Variants in ICA1L observed in about 807,000 individuals in gnomAD.
The protein encoded by ICA1L is islet cell autoantigen 1 like.
Under a neutral mutation model 61.3 loss-of-function variants are expected in ICA1L, and 50 were observed. That is an observed-to-expected ratio of 0.82 (90% confidence interval 0.65 to 1.03). The LOEUF is 1.03. ICA1L is among the 50% of genes least tolerant of loss of function. The pLI is 0.00. For missense variants in ICA1L, 508 were observed against 556.7 expected (o/e 0.91, Z 0.88); for synonymous variants, 161 against 191.3 (o/e 0.84, Z 1.31).
intron 10 of ICA1L, among the ~76,000 whole-genome samples, chr2:202,794,914 G>A (rs1471533993): frequency 6.6e-6 from 1 of 151,022 alleles, no homozygotes; most frequent in East Asian, 2.0e-4. Flanking sequence ...CACATTTAAT[G>A]TGATTACAAT....
At chr2:202,866,158 C>T (rs142425848) in intron 1 of ICA1L, among the ~76,000 whole-genome samples, 5 of 152,278 alleles carry the variant, frequency 3.3e-5, no homozygotes, top group African/African-American at 1.2e-4. Flanking sequence ...TTCATGTTGA[C>T]ATGTGATCCC....
intron 1 of ICA1L, among the ~76,000 whole-genome samples, chr2:202,862,062 G>A (rs1694932939): frequency 2.0e-5 from 3 of 147,272 alleles, no homozygotes; most frequent in South Asian, 2.1e-4. Context: ...AAGATTCACC[G>A]AAACAGACCA....
chr2:202,867,772 C>T (rs1687563270), intron 1 of ICA1L, among the ~76,000 whole-genome samples: 1 of 152,066 alleles, frequency 6.6e-6, no homozygotes, highest in African/African-American at 2.4e-5. Flanking sequence ...ATACATTGGT[C>T]GTGGGAATAT....
In ICA1L at chr2:202,833,351, G is replaced by T. The variant is rs185889197; in HGVS notation, c.-7-4335C>A. Among the ~76,000 whole-genome samples, 37 of 152,296 alleles carry T rather than the reference G, an allele frequency of 2.4e-4. No individual in the cohort carries two copies. In the East Asian group the frequency reaches 6.8e-3, roughly 28 times the overall value. On this transcript the variant is annotated intron_variant, in intron 1 of 12. Coordinates refer to ENST00000358299, the MANE Select transcript of ICA1L (RefSeq NM_001288622.3). ...AATCCCAGGACTTTGGGAGGCTGTG[G>T]GGGAGGATCACTGGCGCCCAGGAGC...
intron 12 of ICA1L, among the ~76,000 whole-genome samples, chr2:202,780,927 T>C (rs1007224942): frequency 6.6e-6 from 1 of 152,204 alleles, no homozygotes; most frequent in Non-Finnish European, 1.5e-5. Flanking sequence ...CATCATGATA[T>C]CAGGATACAT....
At chr2:202,851,335 A>G (rs1165805079) in intron 1 of ICA1L, among the ~76,000 whole-genome samples, 1 of 152,198 alleles carries the variant, frequency 6.6e-6, no homozygotes, top group Non-Finnish European at 1.5e-5. Context: ...TATAAAGGAC[A>G]TGAACTCATC....
At chr2:202,814,883 TAGG>T (rs1404088455) in intron 7 of ICA1L, 99 bp from the exon 8 acceptor site, 21 of 808,942 alleles carry the variant, frequency 2.6e-5, no homozygotes, top group Admixed American at 7.2e-5. Context: ...CCATATGAAA[TAGG>T]AAGTTCTGAA....
At chr2:202,780,304 T>C (rs560561241) in intron 12 of ICA1L, among the ~76,000 whole-genome samples, 8 of 152,354 alleles carry the variant, frequency 5.3e-5, no homozygotes, top group African/African-American at 1.9e-4. Context: ...GTCTTTTCCA[T>C]GTGCACTTTA....
At chr2:202,857,269 A>G (rs900154166) in intron 1 of ICA1L, among the ~76,000 whole-genome samples, 12 of 151,668 alleles carry the variant, frequency 7.9e-5, no homozygotes, top group Non-Finnish European at 4.4e-5. Flanking sequence ...GCATGGTACC[A>G]GAAAAGATAC....
At chr2:202,827,824 G>A (rs557906634) in intron 2 of ICA1L, among the ~76,000 whole-genome samples, 112 of 152,012 alleles carry the variant, frequency 7.4e-4, no homozygotes, top group African/African-American at 2.6e-3. Flanking sequence ...TATTTGTTTT[G>A]GCAATGAGGT....
intron 7 of ICA1L, among the ~76,000 whole-genome samples, chr2:202,815,092 C>T (rs1290798353): frequency 6.6e-6 from 1 of 152,158 alleles, no homozygotes; most frequent in African/African-American, 2.4e-5. Flanking sequence ...TCACAATGCT[C>T]TAAATACAGC....
chr2:202,780,670 A>G (rs1310541356), intron 12 of ICA1L, among the ~76,000 whole-genome samples: 1 of 152,144 alleles, frequency 6.6e-6, no homozygotes, highest in Non-Finnish European at 1.5e-5. Flanking sequence ...CATCACAGTA[A>G]CACCACAGAC....
At chr2:202,818,946 C>A (rs750583023) in intron 5 of ICA1L, among the ~76,000 whole-genome samples, 1 of 152,210 alleles carries the variant, frequency 6.6e-6, no homozygotes, top group East Asian at 1.9e-4. Flanking sequence ...TTAGTGCATT[C>A]GCAATGTTGT....
intron 12 of ICA1L, among the ~76,000 whole-genome samples, chr2:202,784,973 A>C (rs1692534257): frequency 6.6e-6 from 1 of 152,126 alleles, no homozygotes; most frequent in Admixed American, 6.5e-5. Flanking sequence ...TAATCCTAGC[A>C]GTTTGGGAGC....
chr2:202,840,169 AG>A (rs1280334176), intron 1 of ICA1L, among the ~76,000 whole-genome samples: 1 of 148,866 alleles, frequency 6.7e-6, no homozygotes, highest in Admixed American at 6.7e-5. Context: ...GGAATGGGCA[AG>A]GGGGATCCCC....
chr2:202,871,094 C>T (rs574162794), intron 1 of ICA1L: 1 of 152,098 alleles, frequency 6.6e-6, no homozygotes. Context: ...TTTTATCCAT[C>T]GGTTGCCAAT....
Position 202,825,729 on chromosome 2 carries a change from C to T in ICA1L, c.201G>A (p.Leu67=), listed in dbSNP as rs1423534023. ...HSVQETCTEL[L]KIIEKYQLRL... is the part of the protein sequence containing the mutation. The stretch of plus-strand genomic sequence containing the variant: ...TTAGCTGGTATTTCTCGATTATCTT[C>T]AGAAGTTCAGTGCATGTCTCTTGAA... The change falls in exon 3 of 13, where the codon CTG becomes CTA. Residue 67 remains leucine, a synonymous_variant. Transcript: ENST00000358299. 6.3e-7 allele frequency: 1 copy of T among 1,582,662 alleles called. No homozygotes were observed. Among genetic ancestry groups the T allele is most frequent in the Non-Finnish European group, 8.7e-7 (1 of 1,154,762 alleles).
At chr2:202,804,259 C>T (rs568647195) in intron 9 of ICA1L, among the ~76,000 whole-genome samples, 1 of 152,062 alleles carries the variant, frequency 6.6e-6, no homozygotes, top group African/African-American at 2.4e-5. Context: ...AATTTTAAAC[C>T]GTTAGCCAAT....
intron 1 of ICA1L, among the ~76,000 whole-genome samples, chr2:202,834,913 C>T (rs1353530251): frequency 2.0e-5 from 3 of 152,090 alleles, no homozygotes; most frequent in Non-Finnish European, 4.4e-5. Flanking sequence ...TCACTGCAGT[C>T]TCAAACTCCT....
Sources: gnomAD v4.1 joint callset for allele counts (sites outside exome capture counted in the v4.1 genomes callset) on GRCh38, gnomAD v4.1.1 for gene constraint, MANE v1.5 for transcripts, NCBI Gene and HGNC (gene_info 2026-07-23, HGNC 2026-07-21) for gene names.